Variants in MRTFB observed in about 807,000 individuals in gnomAD.
MRTFB encodes myocardin related transcription factor B, also known as myocardin-related transcription factor B.
MRTFB carries 29 observed loss-of-function variants against 104.2 expected under a neutral mutation model. The ratio of observed to expected loss-of-function variants is 0.28; its 90% CI spans 0.21 to 0.38. The LOEUF is 0.38. MRTFB is among the 10% of genes least tolerant of loss of function. MRTFB has a pLI of 1.00. For synonymous variants in MRTFB, 535 were observed against 519.5 expected, an observed-to-expected ratio of 1.03 and a Z score of -0.41; for missense variants, 1,270 against 1,341.6, an observed-to-expected ratio of 0.95 and a Z score of 0.83.
At chr16:14,000,075 C>T in the MRTFB span, among the ~76,000 whole-genome samples, 8 of 152,216 alleles carry the variant, frequency 5.3e-5, no homozygotes, top group Non-Finnish European at 8.8e-5. Context: ...TTCCAGGCTG[C>T]GTTGCCACAT....
At chr16:14,027,037 C>A in the MRTFB span, among the ~76,000 whole-genome samples, 1 of 152,142 alleles carries the variant, frequency 6.6e-6, no homozygotes, top group South Asian at 2.1e-4. Flanking sequence ...TAGGACCCAG[C>A]AATAGTACTC....
chr16:14,206,349 G>A (rs2040940791), intron 3 of MRTFB, among the ~76,000 whole-genome samples: 1 of 152,168 alleles, frequency 6.6e-6, no homozygotes, highest in Admixed American at 6.5e-5. Flanking sequence ...GATGGTCTCT[G>A]TCTAAGGTGC....
intron 3 of MRTFB, among the ~76,000 whole-genome samples, chr16:14,197,329 A>G (rs546411459): frequency 3.3e-5 from 5 of 152,212 alleles, no homozygotes; most frequent in African/African-American, 1.2e-4. Context: ...AAGTGGAGAA[A>G]TCTACCACTT....
intron 2 of MRTFB, among the ~76,000 whole-genome samples, chr16:14,136,472 A>T (rs955604062): frequency 1.3e-5 from 2 of 151,992 alleles, no homozygotes; most frequent in African/African-American, 4.8e-5. Context: ...CAGTAGGATC[A>T]CTCTGTCCCA....
At chr16:14,260,800 G>A (rs1878525741) in intron 16 of MRTFB, 109 bp from the exon 17 acceptor site, 14 of 873,130 alleles carry the variant, frequency 1.6e-5, no homozygotes, top group East Asian at 2.6e-5. Flanking sequence ...TAAGACGGAC[G>A]TGCATAGAAG....
chr16:14,118,285 C>T (rs545436638), intron 2 of MRTFB, among the ~76,000 whole-genome samples: 4 of 151,856 alleles, frequency 2.6e-5, no homozygotes, highest in East Asian at 2.0e-4. Flanking sequence ...TACAGGCACA[C>T]GCCACCACAC....
chr16:14,061,599 T>G, the MRTFB span, among the ~76,000 whole-genome samples: 4 of 139,962 alleles, frequency 2.9e-5, no homozygotes, highest in Admixed American at 7.5e-5. Context: ...GTAACAAAGC[T>G]GGATAGTGCA....
intron 2 of MRTFB, among the ~76,000 whole-genome samples, chr16:14,134,396 A>G (rs113432693): frequency 0.025 from 3,805 of 152,372 alleles, 71 homozygotes; most frequent in Middle Eastern, 0.085. Context: ...GTTTATATGT[A>G]GTGCATCTAC....
chr16:14,000,203 TG>T, the MRTFB span, among the ~76,000 whole-genome samples: 1 of 152,264 alleles, frequency 6.6e-6, no homozygotes, highest in Non-Finnish European at 1.5e-5. Flanking sequence ...CTCGCTTCTC[TG>T]GCTTCACAGT....
intron 1 of MRTFB, among the ~76,000 whole-genome samples, chr16:14,077,642 T>C (rs1320733519): frequency 6.6e-6 from 1 of 152,018 alleles, no homozygotes; most frequent in Admixed American, 6.6e-5. Flanking sequence ...TTAAAATCTA[T>C]TTGACTTCTC....
chr16:14,032,697 C>CTGGG, the MRTFB span, among the ~76,000 whole-genome samples: 507 of 152,232 alleles, frequency 3.3e-3, 6 homozygotes, highest in East Asian at 0.032. Context: ...TCTTATGGAT[C>CTGGG]TGGGCCCTTA....
chr16:14,034,722 A>G, the MRTFB span, among the ~76,000 whole-genome samples: 1 of 151,304 alleles, frequency 6.6e-6, no homozygotes, highest in Admixed American at 6.6e-5. Context: ...CACCAGTATT[A>G]TTGGATTACG....
chr16:14,159,113 CAG>C (rs1421063285), intron 3 of MRTFB, among the ~76,000 whole-genome samples: 1 of 152,070 alleles, frequency 6.6e-6, no homozygotes, highest in Non-Finnish European at 1.5e-5. Flanking sequence ...GCCTGGGCAA[CAG>C]TGTGAGACCT....
At chr16:14,200,224 C>A in intron 3 of MRTFB, 1 of 1,256,730 alleles carries the variant, frequency 8.0e-7, no homozygotes, top group Non-Finnish European at 1.1e-6. Flanking sequence ...AACCTGGTAG[C>A]TTAAGTATAT....
chr16:14,157,634 A>G (rs1000198943), intron 3 of MRTFB, among the ~76,000 whole-genome samples: 3 of 152,208 alleles, frequency 2.0e-5, no homozygotes, highest in Non-Finnish European at 4.4e-5. Flanking sequence ...GGAGGCTTCC[A>G]TGTCAAAACT....
At chr16:14,168,760 A>G (rs372211607) in intron 3 of MRTFB, among the ~76,000 whole-genome samples, 10 of 152,152 alleles carry the variant, frequency 6.6e-5, no homozygotes, top group African/African-American at 2.2e-4. Flanking sequence ...GTGAATATTT[A>G]GTTTTCTAAG....
chr16:14,117,912 T>C (rs1401800046), intron 2 of MRTFB, among the ~76,000 whole-genome samples: 1 of 152,210 alleles, frequency 6.6e-6, no homozygotes, highest in Non-Finnish European at 1.5e-5. Flanking sequence ...TTTCTCTTTC[T>C]TTAAAAATAT....
At chr16:14,093,588 T>A (rs1255281953) in intron 2 of MRTFB, among the ~76,000 whole-genome samples, 3 of 152,224 alleles carry the variant, frequency 2.0e-5, no homozygotes, top group Non-Finnish European at 2.9e-5. Flanking sequence ...GATACTATGA[T>A]CATTTAAAAA....
intron 3 of MRTFB, among the ~76,000 whole-genome samples, chr16:14,161,625 A>G (rs1344638154): frequency 2.0e-5 from 3 of 152,216 alleles, no homozygotes; most frequent in Non-Finnish European, 4.4e-5. Flanking sequence ...CTTGTGTACC[A>G]AAAGACATCA....
Sources: gnomAD v4.1 joint callset for allele counts (sites outside exome capture counted in the v4.1 genomes callset) on GRCh38, gnomAD v4.1.1 for gene constraint, MANE v1.5 for transcripts, NCBI Gene and HGNC (gene_info 2026-07-23, HGNC 2026-07-21) for gene names.